Variants in EDARADD observed in about 807,000 individuals in gnomAD.
EDARADD encodes ectodysplasin-A receptor-associated adapter protein.
Under a neutral mutation model 25.6 loss-of-function variants are expected in EDARADD, and 20 were observed. That is an observed-to-expected ratio of 0.78 (90% CI 0.55 to 1.14). EDARADD has a LOEUF of 1.14. EDARADD is among the 50% of genes most tolerant of loss of function. EDARADD has a pLI of 0.00. For synonymous variants in EDARADD, 86 were observed against 94.4 expected, an observed-to-expected ratio of 0.91 and a Z score of 0.52; for missense variants, 225 against 270.1, an observed-to-expected ratio of 0.83 and a Z score of 1.17.
intron 3 of EDARADD, among the ~76,000 whole-genome samples, chr1:236,356,708 A>G (rs759905313): frequency 9.2e-5 from 14 of 152,068 alleles, no homozygotes; most frequent in Non-Finnish European, 8.8e-5. Context: ...ACGAATAATC[A>G]TAGTCTCTAC....
Position 236,409,256 on chromosome 1 carries a change from C to G in EDARADD, c.102C>G (p.Ser34Arg), listed in dbSNP as rs1270400114. 6.2e-7 allele frequency: 1 copy of G among 1,612,832 alleles called. No homozygotes were observed. Among genetic ancestry groups the G allele is most frequent in the Non-Finnish European group, 8.5e-7 (1 of 1,179,144 alleles). ...AACCAGTGGAAGACACAGACCCTAG[C>G]ACTTTATCCTTTAATATGGTAGGTG... is the stretch of plus-strand genomic sequence containing the variant. ...VKEPVEDTDP[S>R]TLSFNMSDKY... The change falls in exon 2 of 6, where the codon AGC becomes AGG. Residue 34 changes from serine to arginine, a missense_variant. Transcript: ENST00000334232.
intron 4 of EDARADD, among the ~76,000 whole-genome samples, chr1:236,449,204 C>A (rs1395012285): frequency 6.6e-6 from 1 of 152,200 alleles, no homozygotes; most frequent in Non-Finnish European, 1.5e-5. Flanking sequence ...AGGACACTGG[C>A]CATATTGGAT....
At chr1:236,477,136 C>G (rs1324996888) in intron 5 of EDARADD, among the ~76,000 whole-genome samples, 1 of 151,342 alleles carries the variant, frequency 6.6e-6, no homozygotes, top group African/African-American at 2.4e-5. Flanking sequence ...GTTATAGATC[C>G]TTCCAAACTT....
chr1:236,449,773 ATTCT>A (rs1462912976), intron 4 of EDARADD, among the ~76,000 whole-genome samples: 3 of 152,184 alleles, frequency 2.0e-5, no homozygotes, highest in Non-Finnish European at 4.4e-5. Flanking sequence ...GGGATACAGA[ATTCT>A]TTCTGTTACA....
intron 3 of EDARADD, among the ~76,000 whole-genome samples, chr1:236,423,405 A>C (rs1253470929): frequency 1.3e-5 from 2 of 152,190 alleles, no homozygotes; most frequent in African/African-American, 4.8e-5. Flanking sequence ...TGTGTGGGGC[A>C]GTGGCCCATC....
At chr1:236,401,433 C>T (rs746374702) in intron 1 of EDARADD, among the ~76,000 whole-genome samples, 4 of 152,164 alleles carry the variant, frequency 2.6e-5, no homozygotes, top group South Asian at 2.1e-4. Flanking sequence ...AAGCATTCAC[C>T]GCTATCTGAT....
At chr1:236,431,878 G>A (rs1246436382) in intron 4 of EDARADD, among the ~76,000 whole-genome samples, 1 of 44,740 alleles carries the variant, frequency 2.2e-5, no homozygotes, top group African/African-American at 4.4e-5. Flanking sequence ...CCGAGATTGC[G>A]CCACTGCAGT....
intron 2 of EDARADD, among the ~76,000 whole-genome samples, chr1:236,350,500 C>G (rs755194942): frequency 2.6e-5 from 4 of 152,182 alleles, no homozygotes; most frequent in Non-Finnish European, 5.9e-5. Flanking sequence ...GTCTCGCACT[C>G]CTGACCTCAG....
chr1:236,417,313 C>T (rs1040417274), intron 3 of EDARADD, among the ~76,000 whole-genome samples: 4 of 152,136 alleles, frequency 2.6e-5, no homozygotes, highest in African/African-American at 9.7e-5. Flanking sequence ...TTGTAATTAG[C>T]GTTAAGAGTT....
At chr1:236,354,495 G>T (rs1410762882) in intron 3 of EDARADD, among the ~76,000 whole-genome samples, 1 of 152,096 alleles carries the variant, frequency 6.6e-6, no homozygotes, top group East Asian at 1.9e-4. Flanking sequence ...CAAACCTTTA[G>T]GTTACAGAAA....
chr1:236,438,965 G>A (rs1427156794), intron 4 of EDARADD, among the ~76,000 whole-genome samples: 1 of 152,188 alleles, frequency 6.6e-6, no homozygotes, highest in Non-Finnish European at 1.5e-5. Context: ...TTACAGAGGA[G>A]TTTCGCTGCC....
intron 5 of EDARADD, among the ~76,000 whole-genome samples, chr1:236,471,218 T>A (rs1452524811): frequency 1.3e-5 from 2 of 152,218 alleles, no homozygotes; most frequent in Non-Finnish European, 2.9e-5. Flanking sequence ...AAAAGGATGC[T>A]TTAGAGAAAA....
intron 2 of EDARADD, 111 bp from the exon 3 acceptor site, chr1:236,414,149 C>T: frequency 2.2e-6 from 2 of 915,978 alleles, no homozygotes; most frequent in South Asian, 1.3e-5. Flanking sequence ...TGAGGTTAAA[C>T]ATTTTCAAGT....
At chr1:236,451,005 C>T (rs1179102697) in intron 4 of EDARADD, among the ~76,000 whole-genome samples, 4 of 152,168 alleles carry the variant, frequency 2.6e-5, no homozygotes, top group African/African-American at 9.7e-5. Context: ...ATTCTATCAC[C>T]ATGGCCACTG....
At chr1:236,377,729 A>G (rs1033813789) in intron 3 of EDARADD, among the ~76,000 whole-genome samples, 1 of 151,626 alleles carries the variant, frequency 6.6e-6, no homozygotes, top group Admixed American at 6.6e-5. Context: ...ATGGTGGCGC[A>G]TGTCTGTAGT....
chr1:236,443,215 A>G (rs1436066222), intron 4 of EDARADD, among the ~76,000 whole-genome samples: 1 of 152,186 alleles, frequency 6.6e-6, no homozygotes, highest in Non-Finnish European at 1.5e-5. Flanking sequence ...TTTCTTTATA[A>G]GTTGCCACGT....
intron 3 of EDARADD, among the ~76,000 whole-genome samples, chr1:236,418,765 A>C (rs769827329): frequency 5.3e-5 from 8 of 152,204 alleles, no homozygotes; most frequent in Non-Finnish European, 1.2e-4. Context: ...GTTGTATTTG[A>C]TATGATTTCC....
chr1:236,366,098 C>T (rs1309323932), intron 3 of EDARADD, among the ~76,000 whole-genome samples: 6 of 152,156 alleles, frequency 3.9e-5, no homozygotes, highest in Admixed American at 3.3e-4. Flanking sequence ...GGGACAGTTA[C>T]GATTGATTAC....
At chr1:236,452,487 T>C (rs149387057) in intron 4 of EDARADD, among the ~76,000 whole-genome samples, 1,447 of 142,742 alleles carry the variant, frequency 0.01, 17 homozygotes, top group Non-Finnish European at 0.013. Flanking sequence ...TTTAAAAGTG[T>C]GTGGCCGATC....
Sources: gnomAD v4.1 joint callset for allele counts (sites outside exome capture counted in the v4.1 genomes callset) on GRCh38, gnomAD v4.1.1 for gene constraint, MANE v1.5 for transcripts, NCBI Gene and HGNC (gene_info 2026-07-23, HGNC 2026-07-21) for gene names.